The following RBMS3 variants were observed in gnomAD, a reference collection of about 807,000 sequenced individuals.
The protein encoded by RBMS3 is RNA-binding motif, single-stranded-interacting protein 3.
Under a neutral mutation model 66.8 loss-of-function variants are expected in RBMS3, and 27 were observed. The ratio of observed to expected loss-of-function variants is 0.40; its 90% confidence interval spans 0.30 to 0.56. The LOEUF is 0.56. Ranked by LOEUF, RBMS3 falls within the 20% of genes least tolerant of loss-of-function variation. The pLI, the probability that RBMS3 is intolerant of heterozygous loss-of-function variation, is 0.40. For synonymous variants in RBMS3, 188 were observed against 183.0 expected, an observed-to-expected ratio of 1.03 and a Z score of -0.22; for missense variants, 513 against 549.5, an observed-to-expected ratio of 0.93 and a Z score of 0.66.
intron 4 of RBMS3, among the ~76,000 whole-genome samples, chr3:29,655,249 T>C (rs72846053): frequency 0.021 from 3,133 of 152,242 alleles, 82 homozygotes; most frequent in Admixed American, 0.062. Context: ...TGTGCTTTCA[T>C]GGAAAGAGAG....
At chr3:29,556,207 A>G (rs911681191) in intron 3 of RBMS3, 15 of 152,316 alleles carry the variant, frequency 9.8e-5, no homozygotes, top group African/African-American at 3.4e-4. Context: ...TTTCTAATTA[A>G]TGTAACTTTA....
intron 4 of RBMS3, among the ~76,000 whole-genome samples, chr3:29,672,310 C>T (rs571184516): frequency 5.1e-4 from 77 of 152,264 alleles, no homozygotes; most frequent in African/African-American, 1.8e-3. Context: ...AAGGAATAAC[C>T]GGTACCAGCC....
At chr3:29,493,343 G>A (rs2043621151) in intron 3 of RBMS3, among the ~76,000 whole-genome samples, 1 of 152,164 alleles carries the variant, frequency 6.6e-6, no homozygotes, top group South Asian at 2.1e-4. Flanking sequence ...GTTGAACGCT[G>A]CCTCTTCGCT....
intron 6 of RBMS3, among the ~76,000 whole-genome samples, chr3:29,860,699 A>G (rs2059191087): frequency 6.6e-6 from 1 of 152,224 alleles, no homozygotes; most frequent in Non-Finnish European, 1.5e-5. Flanking sequence ...GGTATTGAAT[A>G]CATGTGGGTC....
At chr3:29,910,763 A>G (rs1168978831) in intron 10 of RBMS3, among the ~76,000 whole-genome samples, 3 of 151,556 alleles carry the variant, frequency 2.0e-5, no homozygotes, top group Admixed American at 2.0e-4. Context: ...ATACATATAT[A>G]TGTATACGTA....
rs1283381950 is a variant in RBMS3, at chr3:29,447,833, T to C, written c.248+12918T>C. On this transcript the variant is annotated intron_variant, in intron 2 of 14. Coordinates refer to ENST00000383767, the MANE Select transcript of RBMS3 (RefSeq NM_001003793.3). ...GCTCCTGTGTCTGGTCATTCTTTAA[T>C]TCTAGACCTTGTGTATATAAACAGA... 2.6e-5 allele frequency among the ~76,000 whole-genome samples: 4 copies of C among 152,234 alleles called. No homozygotes were observed. The East Asian group carries it at 7.7e-4, about 29-fold the overall frequency.
rs77799920 is a variant in RBMS3, at chr3:29,763,965, G to A, written c.637+976G>A. ...TCTTTTTAAGCTTGATTTCAATACC[G>A]TTTGCTGTATAATGCATCTACTATT... On this transcript the variant is annotated intron_variant, in intron 6 of 14. Coordinates refer to ENST00000383767, the MANE Select transcript of RBMS3 (RefSeq NM_001003793.3). 4.2e-3 allele frequency among the ~76,000 whole-genome samples: 646 copies of A among 152,074 alleles called. 5 individuals are homozygous for A. Among genetic ancestry groups the A allele is most frequent in the African/African-American group, 0.015 (613 of 41,514 alleles).
At chr3:29,639,116 A>C (rs1051118053) in intron 4 of RBMS3, among the ~76,000 whole-genome samples, 3 of 151,812 alleles carry the variant, frequency 2.0e-5, no homozygotes, top group African/African-American at 7.2e-5. Flanking sequence ...ATTTGAGGGA[A>C]GAGGCCTGGG....
intron 1 of RBMS3, among the ~76,000 whole-genome samples, chr3:29,396,981 ATTAT>A (rs1443558752): frequency 1.3e-5 from 2 of 152,044 alleles, no homozygotes; most frequent in Admixed American, 6.6e-5. Context: ...TTCATTTTTT[ATTAT>A]TTATTATTAA....
chr3:29,685,149 C>T (rs58837686), intron 4 of RBMS3, among the ~76,000 whole-genome samples: 11,824 of 152,148 alleles, frequency 0.078, 810 homozygotes, highest in African/African-American at 0.18. Context: ...AGCTCCGCCT[C>T]CCGGGTTCAC....
intron 12 of RBMS3, among the ~76,000 whole-genome samples, chr3:29,970,837 T>C (rs955072600): frequency 3.3e-5 from 5 of 152,202 alleles, no homozygotes; most frequent in Admixed American, 2.6e-4. Context: ...TGTTCAGGAA[T>C]CGAAACATAT....
At chr3:29,747,390 GTAGA>G (rs56736478) in intron 5 of RBMS3, among the ~76,000 whole-genome samples, 43,916 of 140,612 alleles carry the variant, frequency 0.31, 6,817 homozygotes, top group East Asian at 0.4. Context: ...AGGTAGGTAG[GTAGA>G]TAGATAGATA....
chr3:29,490,028 G>A (rs1476221001), intron 3 of RBMS3, among the ~76,000 whole-genome samples: 1 of 125,436 alleles, frequency 8.0e-6, no homozygotes, highest in African/African-American at 3.1e-5. Flanking sequence ...GGGCTACAGG[G>A]CAAGACTCCC....
intron 3 of RBMS3, among the ~76,000 whole-genome samples, chr3:29,551,673 T>C (rs556091558): frequency 3.3e-5 from 5 of 152,298 alleles, no homozygotes; most frequent in African/African-American, 1.2e-4. Flanking sequence ...ATATGGAAGA[T>C]GCTAGGAAAA....
chr3:29,724,852 A>T (rs1433307732), intron 4 of RBMS3, among the ~76,000 whole-genome samples: 2 of 152,120 alleles, frequency 1.3e-5, no homozygotes, highest in Non-Finnish European at 2.9e-5. Flanking sequence ...AAAAAATAGC[A>T]CTTTATTATT....
At chr3:29,854,296 A>G (rs2059018122) in intron 6 of RBMS3, among the ~76,000 whole-genome samples, 1 of 152,280 alleles carries the variant, frequency 6.6e-6, no homozygotes. Flanking sequence ...CCTAGAGGCT[A>G]GGCCTCTTAC....
chr3:29,663,133 A>C (rs2050619224), intron 4 of RBMS3, among the ~76,000 whole-genome samples: 1 of 152,210 alleles, frequency 6.6e-6, no homozygotes, highest in Non-Finnish European at 1.5e-5. Context: ...GTAGGTACTC[A>C]AAATATATGT....
At chr3:29,436,473 C>A (rs1445548859) in intron 2 of RBMS3, among the ~76,000 whole-genome samples, 1 of 152,082 alleles carries the variant, frequency 6.6e-6, no homozygotes, top group Non-Finnish European at 1.5e-5. Flanking sequence ...CTCAGACATA[C>A]AAATATACGT....
intron 4 of RBMS3, among the ~76,000 whole-genome samples, chr3:29,705,576 T>C (rs1443902529): frequency 1.3e-5 from 2 of 152,308 alleles, no homozygotes; most frequent in African/African-American, 4.8e-5. Context: ...ATTCTTCTTG[T>C]TGTGAATGAT....
Sources: gnomAD v4.1 joint callset for allele counts (sites outside exome capture counted in the v4.1 genomes callset) on GRCh38, gnomAD v4.1.1 for gene constraint, MANE v1.5 for transcripts, NCBI Gene and HGNC (gene_info 2026-07-23, HGNC 2026-07-21) for gene names.